TMEM117: variants seen among roughly 807,000 people sequenced by gnomAD.
TMEM117 encodes the protein transmembrane protein 117.
A neutral mutation model predicts 52.4 loss-of-function variants in TMEM117; 27 were observed. The ratio of observed to expected loss-of-function variants is 0.51; its 90% CI spans 0.38 to 0.71. The LOEUF (loss-of-function observed/expected upper bound fraction) is 0.71. TMEM117 is among the 30% of genes least tolerant of loss of function. TMEM117 has a pLI of 0.00. For missense variants in TMEM117, 556 were observed against 630.5 expected (o/e 0.88, Z 1.26); for synonymous variants, 215 against 206.3 (o/e 1.04, Z -0.36).
At chr12:44,067,713 G>A (rs1270263839) in intron 3 of TMEM117, among the ~76,000 whole-genome samples, 2 of 152,204 alleles carry the variant, frequency 1.3e-5, no homozygotes, top group Non-Finnish European at 2.9e-5. Flanking sequence ...AGCACAGGCA[G>A]AGTTAGGTAT....
chr12:44,163,854 T>C (rs1164090396), intron 4 of TMEM117, among the ~76,000 whole-genome samples: 1 of 152,230 alleles, frequency 6.6e-6, no homozygotes, highest in Non-Finnish European at 1.5e-5. Context: ...TAATGGCATT[T>C]AGAGATTATT....
rs1340193418 is a variant in TMEM117, at chr12:44,116,440, C to T, written c.411-27085C>T. On this transcript the variant is annotated intron_variant, in intron 3 of 7. Transcript: ENST00000266534. The stretch of plus-strand genomic sequence containing the variant: ...CTAGCCTGAATATTTTTGTATCTTT[C>T]TCTCAATCTCAGATTATGGCCTCAA... 4.6e-5 allele frequency among the ~76,000 whole-genome samples: 7 copies of T among 151,984 alleles called. No individual in the cohort carries two copies. In the East Asian group the frequency reaches 1.2e-3, roughly 25 times the overall value.
At chr12:44,202,263 T>C (rs1949505680) in intron 4 of TMEM117, among the ~76,000 whole-genome samples, 1 of 152,232 alleles carries the variant, frequency 6.6e-6, no homozygotes, top group South Asian at 2.1e-4. Flanking sequence ...TAGAACAAAA[T>C]AGAAACCTTT....
chr12:43,888,427 G>A (rs566120116), intron 2 of TMEM117, among the ~76,000 whole-genome samples: 18 of 152,120 alleles, frequency 1.2e-4, no homozygotes, highest in African/African-American at 3.9e-4. Context: ...TCATCAGTGC[G>A]AATGAATTGC....
At chr12:43,918,855 T>C (rs904588332) in intron 2 of TMEM117, among the ~76,000 whole-genome samples, 3 of 152,222 alleles carry the variant, frequency 2.0e-5, no homozygotes. Context: ...CACTTTTCTG[T>C]CTTAATTCTC....
intron 2 of TMEM117, among the ~76,000 whole-genome samples, chr12:43,938,031 A>G (rs994278902): frequency 1.3e-5 from 2 of 151,940 alleles, no homozygotes; most frequent in Admixed American, 1.3e-4. Flanking sequence ...GTGGAGGTAA[A>G]AGAATTCTCT....
intron 6 of TMEM117, among the ~76,000 whole-genome samples, chr12:44,373,123 C>T (rs1337671594): frequency 6.6e-6 from 1 of 152,154 alleles, no homozygotes; most frequent in African/African-American, 2.4e-5. Flanking sequence ...CCCAAATGTC[C>T]ACAGATTTCC....
chr12:43,848,527 T>C (rs1164695991), intron 2 of TMEM117, among the ~76,000 whole-genome samples: 1 of 152,230 alleles, frequency 6.6e-6, no homozygotes, highest in Non-Finnish European at 1.5e-5. Flanking sequence ...GAAGAAAATA[T>C]GGCTCTTTTT....
chr12:44,275,712 G>A (rs772431852), intron 5 of TMEM117, among the ~76,000 whole-genome samples: 3 of 151,784 alleles, frequency 2.0e-5, no homozygotes, highest in East Asian at 3.9e-4. Flanking sequence ...TAAGAACATC[G>A]CATGTTTTCA....
intron 2 of TMEM117, among the ~76,000 whole-genome samples, chr12:43,927,876 T>C (rs1364540460): frequency 6.6e-6 from 1 of 152,092 alleles, no homozygotes; most frequent in Non-Finnish European, 1.5e-5. Context: ...ACAATTATTG[T>C]CTTTTAACTG....
At chr12:43,980,667 T>C (rs944761590) in intron 3 of TMEM117, among the ~76,000 whole-genome samples, 2 of 152,196 alleles carry the variant, frequency 1.3e-5, no homozygotes, top group African/African-American at 4.8e-5. Flanking sequence ...CATTGTGATC[T>C]GTTGCAGTAT....
At chr12:43,954,292 TAAAC>T (rs1343834421) in intron 3 of TMEM117, among the ~76,000 whole-genome samples, 1 of 151,352 alleles carries the variant, frequency 6.6e-6, no homozygotes, top group African/African-American at 2.4e-5. Context: ...AGACAGGAAA[TAAAC>T]AAGCTCAGAG....
At chr12:44,170,838 CTTAATA>C (rs1190277167) in intron 4 of TMEM117, among the ~76,000 whole-genome samples, 1 of 152,094 alleles carries the variant, frequency 6.6e-6, no homozygotes, top group East Asian at 1.9e-4. Flanking sequence ...ACAAGTTTCC[CTTAATA>C]TTAATGCTTT....
At chr12:44,124,321 C>A (rs531841797) in intron 3 of TMEM117, among the ~76,000 whole-genome samples, 1 of 152,266 alleles carries the variant, frequency 6.6e-6, no homozygotes, top group East Asian at 1.9e-4. Context: ...ATGGGGTTTT[C>A]TAGATATAGG....
At chr12:43,888,649 G>C (rs948797563) in intron 2 of TMEM117, among the ~76,000 whole-genome samples, 1 of 145,728 alleles carries the variant, frequency 6.9e-6, no homozygotes, top group African/African-American at 2.6e-5. Context: ...TCGGGTTCAC[G>C]CCATTCTCCT....
intron 3 of TMEM117, among the ~76,000 whole-genome samples, chr12:44,122,170 G>A (rs184794744): frequency 3.3e-5 from 5 of 150,820 alleles, no homozygotes; most frequent in East Asian, 2.0e-4. Flanking sequence ...TCAGCCTCCC[G>A]AGTAGCTGGG....
intron 3 of TMEM117, among the ~76,000 whole-genome samples, chr12:44,082,650 T>G (rs1565820234): frequency 6.6e-6 from 1 of 152,086 alleles, no homozygotes; most frequent in Non-Finnish European, 1.5e-5. Context: ...TGTAACAGTT[T>G]TACATATAAG....
intron 4 of TMEM117, 69 bp from the exon 5 acceptor site, chr12:44,211,221 A>T: frequency 9.8e-7 from 1 of 1,025,176 alleles, no homozygotes; most frequent in South Asian, 1.4e-5. Flanking sequence ...AATGTAAATT[A>T]TAGGCTTATA....
intron 6 of TMEM117, among the ~76,000 whole-genome samples, chr12:44,349,907 A>G (rs560770486): frequency 3.3e-4 from 50 of 152,162 alleles, no homozygotes; most frequent in African/African-American, 9.4e-4. Context: ...GTATCAGCCA[A>G]TTTGCCACAT....
Sources: allele counts gnomAD v4.1 joint callset (sites outside exome capture counted in the v4.1 genomes callset), GRCh38; gene constraint gnomAD v4.1.1; transcripts MANE v1.5; gene names NCBI Gene and HGNC (gene_info 2026-07-23, HGNC 2026-07-21).